ACTA2: variants seen among roughly 807,000 people sequenced by gnomAD.
ACTA2 encodes actin alpha 2, smooth muscle.
Under a neutral mutation model 39.5 loss-of-function variants are expected in ACTA2, and 12 were observed. The ratio of observed to expected loss-of-function variants is 0.30; its 90% CI spans 0.19 to 0.49. ACTA2 has a LOEUF of 0.49. ACTA2 is among the 20% of genes least tolerant of loss of function. ACTA2 has a pLI of 0.99. For missense variants in ACTA2, 236 were observed against 498.8 expected (o/e 0.47, Z 5.02); for synonymous variants, 158 against 180.6 (o/e 0.88, Z 1.00).
At chr10:88,938,298 C>A in intron 7 of ACTA2, 56 bp from the exon 8 acceptor site, 2 of 1,585,708 alleles carry the variant, frequency 1.3e-6, no homozygotes, top group Non-Finnish European at 1.7e-6. Context: ...CCAGGCTAGA[C>A]ATGGAAGACC....
chr10:88,940,790 T>C (rs1845833513), intron 6 of ACTA2: 2 of 284,418 alleles, frequency 7.0e-6, no homozygotes, highest in East Asian at 7.9e-5. Flanking sequence ...TCATGTGATA[T>C]AGGGTCTATT....
At chr10:88,968,970 C>G (rs539442321) in intron 1 of ACTA2, among the ~76,000 whole-genome samples, 27 of 152,076 alleles carry the variant, frequency 1.8e-4, no homozygotes, top group African/African-American at 6.5e-4. Context: ...ATGTCTCCCC[C>G]CAACCCCCAC....
At chr10:88,944,761 T>C (rs1365144339) in intron 3 of ACTA2, among the ~76,000 whole-genome samples, 3 of 152,260 alleles carry the variant, frequency 2.0e-5, no homozygotes, top group African/African-American at 7.2e-5. Flanking sequence ...CATTTATTTA[T>C]GGTTGAGCAC....
chr10:88,979,133 G>A (rs1284763412), intron 1 of ACTA2, among the ~76,000 whole-genome samples: 3 of 152,030 alleles, frequency 2.0e-5, no homozygotes, highest in African/African-American at 7.2e-5. Context: ...TAAAAATTAA[G>A]TACAATTAAA....
intron 1 of ACTA2, among the ~76,000 whole-genome samples, chr10:88,971,646 C>G (rs1025842606): frequency 2.6e-4 from 39 of 152,116 alleles, no homozygotes; most frequent in African/African-American, 8.9e-4. Flanking sequence ...TTTTGCTGCT[C>G]TTTTTTGTTG....
chr10:88,941,007 T>C, intron 6 of ACTA2: 1 of 564,982 alleles, frequency 1.8e-6, no homozygotes, highest in Non-Finnish European at 3.3e-6. Flanking sequence ...CACTGACTAA[T>C]GCATAACACT....
At chr10:88,953,745 G>T (rs555443191), upstream of ACTA2, among the ~76,000 whole-genome samples, 2 of 152,242 alleles carry the variant, frequency 1.3e-5, no homozygotes, top group African/African-American at 4.8e-5. Context: ...CTCCCATGCT[G>T]TTCTCATGAA....
chr10:88,989,720 C>A (rs1458692437), intron 1 of ACTA2: 1 of 379,198 alleles, frequency 2.6e-6, no homozygotes, highest in Non-Finnish European at 5.2e-6. Flanking sequence ...GTGGGCTAAG[C>A]AAAGGGTTAT....
intron 3 of ACTA2, among the ~76,000 whole-genome samples, chr10:88,945,772 T>C (rs938385606): frequency 1.3e-5 from 2 of 152,214 alleles, no homozygotes; most frequent in Non-Finnish European, 2.9e-5. Flanking sequence ...CTGTTTACTA[T>C]AGTGAAAACA....
At chr10:88,947,902 C>T (rs532643959) in intron 2 of ACTA2, among the ~76,000 whole-genome samples, 6 of 152,204 alleles carry the variant, frequency 3.9e-5, no homozygotes, top group African/African-American at 1.4e-4. Context: ...CCACTTGAGG[C>T]TTGATTTCTA....
chr10:88,980,579 T>G (rs1038780690), intron 1 of ACTA2, among the ~76,000 whole-genome samples: 1 of 152,200 alleles, frequency 6.6e-6, no homozygotes, highest in South Asian at 2.1e-4. Context: ...TGCTATTCCC[T>G]GAGGCCTAAC....
At chr10:88,958,552 A>G (rs1242824835) in intron 1 of ACTA2, among the ~76,000 whole-genome samples, 1 of 152,150 alleles carries the variant, frequency 6.6e-6, no homozygotes, top group Non-Finnish European at 1.5e-5. Flanking sequence ...AAGCACATGC[A>G]CAGAGGTGTG....
Position 88,990,998 on chromosome 10 carries a change from G to C in ACTA2, c.-83C>G. 5.8e-6 allele frequency: 9 copies of C among 1,565,080 alleles called. No homozygotes were observed. The highest frequency in any genetic ancestry group is 7.9e-6 in the Non-Finnish European group (9 of 1,140,234). ...GGGCGCGGGACGCGTGCGGGATTGC[G>C]GCGGCAGCGGCGCACGCGGGCACCT... On this transcript the variant is annotated 5_prime_UTR_variant, in exon 1 of 5. Transcript: ENST00000415557. The surrounding 1 kb of genome is among the most constrained non-coding windows in gnomAD (Gnocchi z 4.9).
At chr10:88,962,571 T>C (rs867152179) in intron 1 of ACTA2, among the ~76,000 whole-genome samples, 26 of 152,166 alleles carry the variant, frequency 1.7e-4, no homozygotes, top group African/African-American at 6.0e-4. Context: ...AGCTCTTGGC[T>C]AATTGTCTTT....
intron 2 of ACTA2, among the ~76,000 whole-genome samples, chr10:88,948,091 C>G (rs376334274): frequency 1.7e-4 from 26 of 152,226 alleles, no homozygotes; most frequent in African/African-American, 4.8e-4. Flanking sequence ...CATAAAATAG[C>G]GGCTTGTGCA....
chr10:88,947,240 G>A lies in ACTA2; in HGVS notation c.258+18C>T. 1 of 1,613,726 alleles carries A rather than the reference G, an allele frequency of 6.2e-7. No homozygotes were observed. The highest frequency in any genetic ancestry group is 8.5e-7 in the Non-Finnish European group (1 of 1,179,748). On this transcript the variant is annotated intron_variant, in intron 3 of 8. Transcript: ENST00000224784. ...ATTATGCATCCTGAGGGCCCAAGCTGCAGCAAACCTCCCATACCTTTTCCA... is the reference window on the plus strand; with the variant it reads ...ATTATGCATCCTGAGGGCCCAAGCTACAGCAAACCTCCCATACCTTTTCCA...
At chr10:88,952,703 G>A (rs904597363) in intron 1 of ACTA2, 28 bp downstream of exon 1, 1 of 152,256 alleles carries the variant, frequency 6.6e-6, no homozygotes, top group South Asian at 2.1e-4. Context: ...GAATCTATAA[G>A]TCACATCCTT....
At chr10:88,982,013 A>G (rs1020745543) in intron 1 of ACTA2, among the ~76,000 whole-genome samples, 2 of 152,204 alleles carry the variant, frequency 1.3e-5, no homozygotes, top group Non-Finnish European at 2.9e-5. Context: ...ATAAGTTAGT[A>G]TATATAAAAG....
chr10:88,938,549 C>A (rs895217575), intron 7 of ACTA2: 1 of 368,476 alleles, frequency 2.7e-6, no homozygotes. Flanking sequence ...CTTCCAATTC[C>A]CTGCAAAGCT....
Sources: gnomAD v4.1 joint callset for allele counts (sites outside exome capture counted in the v4.1 genomes callset) on GRCh38, gnomAD v4.1.1 for gene constraint, Gnocchi (gnomAD v3.1) non-coding constraint, MANE v1.5 for transcripts, NCBI Gene and HGNC (gene_info 2026-07-23, HGNC 2026-07-21) for gene names.